SGCD: variants seen among roughly 807,000 people sequenced by gnomAD.
SGCD encodes delta-sarcoglycan.
A neutral mutation model predicts 36.6 loss-of-function variants in SGCD; 18 were observed. The ratio of observed to expected loss-of-function variants is 0.49; its 90% CI spans 0.34 to 0.73. The LOEUF is 0.73. Among genes scored for constraint, SGCD ranks in the 30% least tolerant of loss-of-function variants. The probability of loss-of-function intolerance (pLI) is 0.01; values close to 1 mark genes in which losing one functional copy is unlikely to be tolerated. For missense variants in SGCD, 387 were observed against 346.7 expected (o/e 1.12, Z -0.92); for synonymous variants, 133 against 130.6 (o/e 1.02, Z -0.12).
At chr5:156,069,082 A>G (rs1760443555) in intron 1 of SGCD, among the ~76,000 whole-genome samples, 1 of 151,886 alleles carries the variant, frequency 6.6e-6, no homozygotes, top group African/African-American at 2.4e-5. Context: ...TTGCCTGTTC[A>G]CTCTGATGGT....
chr5:156,214,947 C>A (rs1764536480), intron 3 of SGCD, among the ~76,000 whole-genome samples: 1 of 151,942 alleles, frequency 6.6e-6, no homozygotes. Context: ...AAAATAAAAT[C>A]AAAATGTATT....
intron 7 of SGCD, among the ~76,000 whole-genome samples, chr5:156,746,542 A>ATCCTCAGGC (rs1174440550): frequency 6.6e-6 from 1 of 152,236 alleles, no homozygotes; most frequent in Non-Finnish European, 1.5e-5. Flanking sequence ...CTGAGGCCAG[A>ATCCTCAGGC]TAAATACACC....
chr5:156,439,475 A>G (rs1753389997), intron 3 of SGCD, among the ~76,000 whole-genome samples: 1 of 151,962 alleles, frequency 6.6e-6, no homozygotes, highest in South Asian at 2.1e-4. Context: ...TACATTTTTA[A>G]ATTATTGCCC....
chr5:156,411,541 T>C (rs986399145), intron 3 of SGCD, among the ~76,000 whole-genome samples: 2 of 152,262 alleles, frequency 1.3e-5, no homozygotes, highest in Admixed American at 6.5e-5. Context: ...TGGCTCTGCC[T>C]GTTGTATGCT....
At chr5:156,300,139 A>G (rs1767014864) in intron 3 of SGCD, among the ~76,000 whole-genome samples, 1 of 152,106 alleles carries the variant, frequency 6.6e-6, no homozygotes, top group African/African-American at 2.4e-5. Context: ...TTTTATGATA[A>G]AGGGATGTTG....
At chr5:156,638,937 G>A (rs942237388) in intron 6 of SGCD, among the ~76,000 whole-genome samples, 6 of 151,964 alleles carry the variant, frequency 3.9e-5, no homozygotes, top group African/African-American at 1.4e-4. Flanking sequence ...AAAAGAGAAT[G>A]TCTTATTTTA....
intron 3 of SGCD, among the ~76,000 whole-genome samples, chr5:156,156,538 C>T (rs951240603): frequency 6.6e-6 from 1 of 151,456 alleles, no homozygotes; most frequent in Admixed American, 6.6e-5. Flanking sequence ...GCAGGAGAAT[C>T]GCTTGAGCTA....
chr5:156,653,208 T>C (rs1763528583), intron 7 of SGCD, among the ~76,000 whole-genome samples: 1 of 152,238 alleles, frequency 6.6e-6, no homozygotes, highest in Non-Finnish European at 1.5e-5. Flanking sequence ...AATTTGGCTG[T>C]GAATCCATCT....
At chr5:156,228,292 TG>T (rs1174655102) in intron 3 of SGCD, among the ~76,000 whole-genome samples, 1 of 152,182 alleles carries the variant, frequency 6.6e-6, no homozygotes, top group African/African-American at 2.4e-5. Flanking sequence ...TTAGGTCTAT[TG>T]GTAATTCTTG....
At chr5:156,487,649 G>A (rs1010566653) in intron 3 of SGCD, among the ~76,000 whole-genome samples, 28 of 151,686 alleles carry the variant, frequency 1.8e-4, no homozygotes, top group African/African-American at 6.0e-4. Context: ...TTAGCCAGGC[G>A]TGGTGGTGTG....
At chr5:156,311,125 T>C (rs1767379427) in intron 3 of SGCD, among the ~76,000 whole-genome samples, 1 of 152,244 alleles carries the variant, frequency 6.6e-6, no homozygotes, top group African/African-American at 2.4e-5. Context: ...ATGTTTTGTA[T>C]AAAGTGGTTT....
At position 156,023,644 on chromosome 5, in the gene SGCD, A is replaced by G. The variant is rs1258053754; in HGVS notation, c.-281-94234A>G. Among the ~76,000 whole-genome samples the G allele has an allele frequency of 3.3e-5, 5 of 152,302 alleles. No homozygotes were observed. The South Asian group carries it at 1.0e-3, about 32-fold the overall frequency. On this transcript the variant is annotated intron_variant, in intron 1 of 9. Transcript: ENST00000517913. ...ATGGCTGAGCTCCTTCAGGTGCCAAAGTGTTGAGATGGGCTCAGGTTACCT... is the reference window on the plus strand; with the variant it reads ...ATGGCTGAGCTCCTTCAGGTGCCAAGGTGTTGAGATGGGCTCAGGTTACCT...
chr5:155,786,464 C>G, the SGCD span, among the ~76,000 whole-genome samples: 6 of 151,988 alleles, frequency 3.9e-5, no homozygotes, highest in East Asian at 1.9e-4. Flanking sequence ...CTGAAACAGT[C>G]ATGGTGGTGT....
At position 156,367,983 on chromosome 5, in the gene SGCD, G is replaced by T. The variant is rs531733457; in HGVS notation, c.192+23306G>T. On this transcript the variant is annotated intron_variant, in intron 3 of 8. Coordinates refer to ENST00000337851, the MANE Select transcript of SGCD (RefSeq NM_000337.6). Reference sequence around the variant, plus strand: ...AGCATTTTCAATATATTTTTTAATTGAGGAGCTTTCCAAAACATACTAAAA... The same window carrying T: ...AGCATTTTCAATATATTTTTTAATTTAGGAGCTTTCCAAAACATACTAAAA... 1.1e-4 allele frequency among the ~76,000 whole-genome samples: 16 copies of T among 152,174 alleles called. 1 individual carries two copies. The highest frequency in any genetic ancestry group is 1.9e-4 in the Non-Finnish European group (13 of 68,006).
At chr5:156,106,584 G>C (rs1237138750) in intron 1 of SGCD, among the ~76,000 whole-genome samples, 1 of 152,182 alleles carries the variant, frequency 6.6e-6, no homozygotes, top group African/African-American at 2.4e-5. Flanking sequence ...TTAAACTGCA[G>C]ATGTTTTAAT....
chr5:155,787,553 C>T, the SGCD span, among the ~76,000 whole-genome samples: 6 of 152,170 alleles, frequency 3.9e-5, no homozygotes, highest in South Asian at 2.1e-4. Flanking sequence ...GGAATGTGGG[C>T]GAAGGTGTTT....
chr5:156,466,444 GA>G (rs1409369467), intron 3 of SGCD, among the ~76,000 whole-genome samples: 1 of 152,132 alleles, frequency 6.6e-6, no homozygotes, highest in African/African-American at 2.4e-5. Context: ...ATGTCTTAAT[GA>G]AAAAGTTTTT....
intron 3 of SGCD, among the ~76,000 whole-genome samples, chr5:156,468,260 G>A (rs1446620974): frequency 6.7e-6 from 1 of 149,960 alleles, no homozygotes; most frequent in Non-Finnish European, 1.5e-5. Flanking sequence ...AGGATCACAT[G>A]AGCCCAGGAG....
intron 3 of SGCD, among the ~76,000 whole-genome samples, chr5:156,300,531 A>G (rs1347567737): frequency 6.6e-6 from 1 of 152,116 alleles, no homozygotes; most frequent in Non-Finnish European, 1.5e-5. Flanking sequence ...GTGACCTAAC[A>G]TATGGTCTAT....
Sources: gnomAD v4.1 joint callset for allele counts (sites outside exome capture counted in the v4.1 genomes callset) on GRCh38, gnomAD v4.1.1 for gene constraint, MANE v1.5 for transcripts, NCBI Gene and HGNC (gene_info 2026-07-23, HGNC 2026-07-21) for gene names.